Variants in COL5A2 observed in about 807,000 individuals in gnomAD.
The protein encoded by COL5A2 is collagen alpha-2(V) chain.
A neutral mutation model predicts 208.2 loss-of-function variants in COL5A2; 23 were observed. The ratio of observed to expected loss-of-function variants is 0.11; its 90% CI spans 0.08 to 0.16. COL5A2 has a LOEUF of 0.16. Among genes scored for constraint, COL5A2 ranks in the 10% least tolerant of loss-of-function variants. The pLI, the probability that COL5A2 is intolerant of heterozygous loss-of-function variation, is 1.00. For synonymous variants in COL5A2, 625 were observed against 628.5 expected, an observed-to-expected ratio of 0.99 and a Z score of 0.08; for missense variants, 1,590 against 1,956.4, an observed-to-expected ratio of 0.81 and a Z score of 3.53.
At chr2:189,333,981 C>A in the COL5A2 span, among the ~76,000 whole-genome samples, 1 of 150,988 alleles carries the variant, frequency 6.6e-6, no homozygotes, top group African/African-American at 2.4e-5. Context: ...AATTGATATA[C>A]TGATACAATG....
the COL5A2 span, among the ~76,000 whole-genome samples, chr2:189,396,463 G>A: frequency 1.3e-4 from 19 of 144,814 alleles, 1 homozygote; most frequent in Non-Finnish European, 2.3e-4. Flanking sequence ...CACGAGGTCA[G>A]GAGATTGAAA....
chr2:189,326,930 A>G, the COL5A2 span, among the ~76,000 whole-genome samples: 3 of 151,584 alleles, frequency 2.0e-5, no homozygotes, highest in African/African-American at 4.8e-5. Context: ...AATTAGCTGG[A>G]CGTGATGGCA....
the COL5A2 span, among the ~76,000 whole-genome samples, chr2:189,258,615 T>A: frequency 1.3e-5 from 2 of 152,308 alleles, no homozygotes; most frequent in African/African-American, 4.8e-5. Flanking sequence ...AGTCCTGTCC[T>A]CAAAATGAAA....
chr2:189,319,670 G>C, the COL5A2 span, among the ~76,000 whole-genome samples: 1 of 152,256 alleles, frequency 6.6e-6, no homozygotes, highest in Non-Finnish European at 1.5e-5. Context: ...CGACCAGGAA[G>C]CTTGAACTGG....
intron 1 of COL5A2, among the ~76,000 whole-genome samples, chr2:189,172,032 C>T (rs189536593): frequency 6.6e-6 from 1 of 151,996 alleles, no homozygotes; most frequent in Non-Finnish European, 1.5e-5. Context: ...GAAAAGGGAC[C>T]CTTGGAATAT....
chr2:189,068,764 C>A, intron 19 of COL5A2, 22 bp downstream of exon 19: 1 of 1,552,314 alleles, frequency 6.4e-7, no homozygotes, highest in South Asian at 1.1e-5. Context: ...TGGGCTGGTT[C>A]TTAAATATGC....
At chr2:189,414,753 CAAAAAAA>C in the COL5A2 span, among the ~76,000 whole-genome samples, 6 of 70,308 alleles carry the variant, frequency 8.5e-5, no homozygotes, top group African/African-American at 3.3e-4. Flanking sequence ...GACTCTGTCT[CAAAAAAA>C]AAAAAAAAAA....
the COL5A2 span, among the ~76,000 whole-genome samples, chr2:189,386,662 G>T: frequency 6.6e-6 from 1 of 152,086 alleles, no homozygotes; most frequent in East Asian, 1.9e-4. Context: ...AGTAGGCAAA[G>T]GATATGAACA....
intron 1 of COL5A2, among the ~76,000 whole-genome samples, chr2:189,173,771 A>G (rs1430647186): frequency 6.6e-6 from 1 of 152,188 alleles, no homozygotes; most frequent in Non-Finnish European, 1.5e-5. Flanking sequence ...TTTCATGGAT[A>G]TAAATAATAA....
At position 189,187,837 on chromosome 2, in the gene COL5A2, T is replaced by C. The variant is rs891445185; in HGVS notation, c.-42+37311A>G. Among the ~76,000 whole-genome samples the C allele has an allele frequency of 5.5e-4, 84 of 151,754 alleles. No individual in the cohort carries two copies. In the East Asian group the frequency reaches 7.2e-3, roughly 13 times the overall value. Reference sequence around the variant, plus strand: ...ACAAAAAATTAGCCAGGCGTGGTGGTGGGCGCCTGTAGTCCCAGCTACTCA... The same window carrying C: ...ACAAAAAATTAGCCAGGCGTGGTGGCGGGCGCCTGTAGTCCCAGCTACTCA... On this transcript the variant is annotated intron_variant, in intron 1 of 10. Transcript: ENST00000649966.
At chr2:189,256,695 A>G in the COL5A2 span, among the ~76,000 whole-genome samples, 1 of 152,196 alleles carries the variant, frequency 6.6e-6, no homozygotes, top group South Asian at 2.1e-4. Context: ...TCTGTTGCCC[A>G]GACTGGAGTG....
the COL5A2 span, among the ~76,000 whole-genome samples, chr2:189,253,397 T>G: frequency 6.6e-6 from 1 of 152,212 alleles, no homozygotes; most frequent in Non-Finnish European, 1.5e-5. Context: ...CCTCCAGAGA[T>G]GCTATAAGAA....
chr2:189,111,153 G>A (rs1687252077), intron 1 of COL5A2, among the ~76,000 whole-genome samples: 1 of 151,962 alleles, frequency 6.6e-6, no homozygotes, highest in African/African-American at 2.4e-5. Flanking sequence ...AATACAGTGA[G>A]TTAATATATA....
At chr2:189,347,066 C>T in the COL5A2 span, among the ~76,000 whole-genome samples, 1 of 152,156 alleles carries the variant, frequency 6.6e-6, no homozygotes, top group Non-Finnish European at 1.5e-5. Flanking sequence ...AAGTCTCACT[C>T]CAATACTTTC....
At chr2:189,040,658 AT>A (rs199978925) in intron 50 of COL5A2, among the ~76,000 whole-genome samples, 7 of 151,732 alleles carry the variant, frequency 4.6e-5, no homozygotes, top group South Asian at 2.1e-4. Flanking sequence ...CTGTTACATA[AT>A]TTTTTTTTCT....
the COL5A2 span, among the ~76,000 whole-genome samples, chr2:189,361,141 A>G: frequency 6.6e-6 from 1 of 152,088 alleles, no homozygotes; most frequent in Non-Finnish European, 1.5e-5. Context: ...AGCACAATTT[A>G]ACTCTGATTT....
chr2:189,337,557 C>A, the COL5A2 span, among the ~76,000 whole-genome samples: 1 of 152,084 alleles, frequency 6.6e-6, no homozygotes, highest in South Asian at 2.1e-4. Flanking sequence ...TGGGATTAAT[C>A]CAAACCACTT....
chr2:189,080,974 A>G lies in COL5A2; in HGVS notation c.906+16T>C. The stretch of plus-strand genomic sequence containing the variant: ...AAACCACAGTATCTGAGAGGATTAC[A>G]ATAGATTGAACTTACTCGGTGACCC... On this transcript the variant is annotated intron_variant, in intron 13 of 53. Coordinates refer to ENST00000374866, the MANE Select transcript of COL5A2 (RefSeq NM_000393.5). The G allele has an allele frequency of 6.2e-7, 1 of 1,608,520 alleles. No individual in the cohort carries two copies. Among genetic ancestry groups the G allele is most frequent in the Non-Finnish European group, 8.5e-7 (1 of 1,175,038 alleles).
chr2:189,213,314 A>G (rs1174185320), intron 1 of COL5A2, among the ~76,000 whole-genome samples: 1 of 152,232 alleles, frequency 6.6e-6, no homozygotes, highest in Non-Finnish European at 1.5e-5. Context: ...TGACCAAGAG[A>G]AAAGTATCAA....
Sources: allele counts gnomAD v4.1 joint callset (sites outside exome capture counted in the v4.1 genomes callset), GRCh38; gene constraint gnomAD v4.1.1; transcripts MANE v1.5; gene names NCBI Gene and HGNC (gene_info 2026-07-23, HGNC 2026-07-21).